ING3: variants seen among roughly 807,000 people sequenced by gnomAD.
The protein encoded by ING3 is inhibitor of growth family member 3.
A neutral mutation model predicts 64.8 loss-of-function variants in ING3; 6 were observed. The ratio of observed to expected loss-of-function variants is 0.09; its 90% CI spans 0.05 to 0.18. The LOEUF (loss-of-function observed/expected upper bound fraction) is 0.18. Among genes scored for constraint, ING3 ranks in the 10% least tolerant of loss-of-function variants. ING3 has a pLI of 1.00. For synonymous variants in ING3, 170 were observed against 173.7 expected (o/e 0.98, Z 0.17); for missense variants, 310 against 489.7 (o/e 0.63, Z 3.46).
Position 120,971,418 on chromosome 7 carries a change from G to A in ING3, c.1101+538G>A, listed in dbSNP as rs971520421. Reference sequence around the variant, plus strand: ...TTTAACCTTTACCACCTCCTCACAGGCCCTGTTTCCAATTATAGTCACGTT... The same window carrying A: ...TTTAACCTTTACCACCTCCTCACAGACCCTGTTTCCAATTATAGTCACGTT... On this transcript the variant is annotated intron_variant, in intron 10 of 11. Coordinates refer to ENST00000315870, the MANE Select transcript of ING3 (RefSeq NM_019071.3). Among the ~76,000 whole-genome samples, 3 of 152,218 alleles carry A rather than the reference G, an allele frequency of 2.0e-5. No individual in the cohort carries two copies. The East Asian group carries it at 5.8e-4, about 29-fold the overall frequency.
At chr7:120,963,449 A>G (rs1795959434) in intron 4 of ING3, among the ~76,000 whole-genome samples, 1 of 152,054 alleles carries the variant, frequency 6.6e-6, no homozygotes, top group African/African-American at 2.4e-5. Context: ...TTTTTCAAAA[A>G]AAAAACAGTT....
intron 4 of ING3, chr7:120,956,928 A>G (rs902067319): frequency 9.0e-6 from 5 of 554,500 alleles, no homozygotes; most frequent in Non-Finnish European, 1.1e-5. Flanking sequence ...TTTACTAAAG[A>G]TATTTTGTGT....
At chr7:120,957,538 G>A (rs1795867977) in intron 4 of ING3, among the ~76,000 whole-genome samples, 1 of 152,242 alleles carries the variant, frequency 6.6e-6, no homozygotes, top group South Asian at 2.1e-4. Flanking sequence ...GAAAAACATT[G>A]AAGTAAGTCA....
At chr7:120,960,163 G>A (rs1288703671) in intron 4 of ING3, among the ~76,000 whole-genome samples, 2 of 152,138 alleles carry the variant, frequency 1.3e-5, no homozygotes, top group African/African-American at 4.8e-5. Flanking sequence ...TTTCAGGCAC[G>A]TGGTATACCA....
Position 120,953,391 on chromosome 7 carries a change from C to T in ING3, c.188C>T (p.Ala63Val), listed in dbSNP as rs771928223. The T allele has an allele frequency of 1.9e-6, 3 of 1,594,464 alleles. No homozygotes were observed. The highest frequency in any genetic ancestry group is 3.4e-5 in the Admixed American group (2 of 58,108). The stretch of plus-strand genomic sequence containing the variant: ...CCTGAGTGGAGGGAAGAGCAAATGG[C>T]ATCCATCAAAAAAGTATGTGCAACA... ...NKPEWREEQMASIKKDYYKAL... is the reference protein window; with the variant it reads ...NKPEWREEQMVSIKKDYYKAL... Residue 63 changes from alanine to valine, a missense_variant, in exon 3 of 12, where the codon GCA (alanine) becomes GTA (valine). By Grantham distance (64) the Ala-to-Val change is moderately conservative. Transcript: ENST00000315870.
chr7:120,967,895 C>G (rs1021491437), intron 7 of ING3, 39 bp from the exon 8 acceptor site: 4 of 1,602,882 alleles, frequency 2.5e-6, no homozygotes, highest in African/African-American at 1.3e-5. Flanking sequence ...ACATTATGTT[C>G]TCTGCAACCA....
intron 4 of ING3, chr7:120,956,094 A>C: frequency 9.8e-7 from 1 of 1,023,850 alleles, no homozygotes; most frequent in Non-Finnish European, 1.5e-6. Context: ...GATCGTATGT[A>C]ACAGCTGTGT....
At chr7:120,966,783 CA>C in intron 6 of ING3, 86 bp downstream of exon 6, 1 of 942,176 alleles carries the variant, frequency 1.1e-6, no homozygotes, top group Non-Finnish European at 1.7e-6. Flanking sequence ...TAACTCTACA[CA>C]ACCAATTGAG....
rs763275715 is a variant in ING3 at position 120,950,920 on chromosome 7, G to A, written c.24G>A (p.Leu8=). The A allele has an allele frequency of 3.1e-6, 5 of 1,613,658 alleles. No individual in the cohort carries two copies. The Admixed American group carries it at 8.3e-5, about 27-fold the overall frequency. ...CGATGTTGTACCTAGAAGACTATCTGGAAAGTGAGTGCGCGGCGCTGGCGG... is the reference window on the plus strand; with the variant it reads ...CGATGTTGTACCTAGAAGACTATCTAGAAAGTGAGTGCGCGGCGCTGGCGG... MLYLEDY[L]EMIEQLPMDL... Residue 8 remains leucine (L), a synonymous_variant, in exon 1 of 12, where the codon CTG becomes CTA. Coordinates refer to ENST00000315870, the MANE Select transcript of ING3 (RefSeq NM_019071.3).
rs116554148 is a variant in ING3, at chr7:120,969,272, G to C, written c.908+68G>C. On this transcript the variant is annotated intron_variant, in intron 9 of 11. Coordinates refer to ENST00000315870, the MANE Select transcript of ING3 (RefSeq NM_019071.3). ...CTTGGTCTACTTGACACTTCAGCCAGGCCTCTCTATGTTAAAGGCAGGATA... is the reference window on the plus strand; with the variant it reads ...CTTGGTCTACTTGACACTTCAGCCACGCCTCTCTATGTTAAAGGCAGGATA... 9.8e-4 allele frequency: 1,237 copies of C among 1,258,472 alleles called. 6 individuals carry two copies. In the African/African-American group the frequency reaches 0.015, roughly 16 times the overall value. 78.0% of individuals were successfully genotyped at this position (1,258,472 alleles called of 1,614,324 possible).
chr7:120,969,057 C>T lies in ING3; in HGVS notation c.761C>T (p.Ala254Val). Residue 254 changes from alanine to valine, a missense_variant, in exon 9 of 12, where the codon GCA (alanine) becomes GTA (valine). Transcript: ENST00000315870. Reference protein sequence around the residue: ...RTSSLKASYEAFKNNDFQLGK... With the variant: ...RTSSLKASYEVFKNNDFQLGK... ...TCAAGTTTAAAAGCCAGTTATGAAG[C>T]ATTTAAGAATAATGACTTTCAGTTG... 3.1e-6 allele frequency: 5 copies of T among 1,613,684 alleles called. No individual in the cohort carries two copies. The highest frequency in any genetic ancestry group is 4.2e-6 in the Non-Finnish European group (5 of 1,179,752).
At chr7:120,969,554 A>G (rs1796040811) in intron 9 of ING3, among the ~76,000 whole-genome samples, 1 of 151,888 alleles carries the variant, frequency 6.6e-6, no homozygotes, top group Non-Finnish European at 1.5e-5. Flanking sequence ...TGCAATGCAA[A>G]TTATATCCTG....
chr7:120,950,935 G>C lies in ING3; in HGVS notation c.28+11G>C. 1 of 1,612,916 alleles carries C rather than the reference G, an allele frequency of 6.2e-7. No homozygotes were observed. Among genetic ancestry groups the C allele is most frequent in the South Asian group, 1.1e-5 (1 of 91,036 alleles). ...AAGACTATCTGGAAAGTGAGTGCGC[G>C]GCGCTGGCGGCGGCCGCCAGTGGGA... is the stretch of plus-strand genomic sequence containing the variant. On this transcript the variant is annotated intron_variant, in intron 1 of 11. Coordinates refer to ENST00000315870, the MANE Select transcript of ING3 (RefSeq NM_019071.3).
rs1183005250 is a variant in ING3, at chr7:120,951,222, C to T, written c.87C>T (p.Asp29=). ...GCTTCACGGAAATGCGCGAGATGGA[C>T]CTGCAGGTGCAGAGTAAGTCGGCGC... is the stretch of plus-strand genomic sequence containing the variant. The part of the protein sequence containing the change: ...RDRFTEMREM[D]LQVQNAMDQL... The change falls in exon 2 of 12, where the codon GAC becomes GAT. Residue 29 remains aspartate (D), a synonymous_variant. Coordinates refer to ENST00000315870, the MANE Select transcript of ING3 (RefSeq NM_019071.3). 3 of 1,614,146 alleles carry T rather than the reference C, an allele frequency of 1.9e-6. No individual in the cohort carries two copies. In the Admixed American group the frequency reaches 5.0e-5, roughly 27 times the overall value.
intron 10 of ING3, among the ~76,000 whole-genome samples, 165 bp from the exon 11 acceptor site, chr7:120,973,040 C>T (rs1796089724): frequency 6.6e-6 from 1 of 152,072 alleles, no homozygotes; most frequent in South Asian, 2.1e-4. Flanking sequence ...CCACCCTGCC[C>T]AAAAGAGTAT....
chr7:120,966,548 T>C, intron 5 of ING3, 78 bp from the exon 6 acceptor site: 2 of 1,058,502 alleles, frequency 1.9e-6, no homozygotes, highest in Non-Finnish European at 3.0e-6. Context: ...AGGGAACTCA[T>C]TGCCTGTAGT....
At chr7:120,967,482 T>C (rs1185078039) in intron 6 of ING3, 47 bp from the exon 7 acceptor site, 1 of 1,377,024 alleles carries the variant, frequency 7.3e-7, no homozygotes, top group Non-Finnish European at 1.0e-6. Context: ...GCCTTGTCCA[T>C]AGTTCTCTAA....
At chr7:120,954,298 C>T (rs1441260300) in intron 3 of ING3, among the ~76,000 whole-genome samples, 3 of 151,900 alleles carry the variant, frequency 2.0e-5, no homozygotes, top group Non-Finnish European at 4.4e-5. Context: ...TGGTGGTGGG[C>T]GCCTGTGATC....
At chr7:120,968,826 A>G (rs925381905) in intron 8 of ING3, among the ~76,000 whole-genome samples, 185 bp from the exon 9 acceptor site, 1 of 145,240 alleles carries the variant, frequency 6.9e-6, no homozygotes, top group Non-Finnish European at 1.5e-5. Context: ...AGCCCAAGCG[A>G]CAGATTGAAA....
Sources: gnomAD v4.1 joint callset for allele counts (sites outside exome capture counted in the v4.1 genomes callset) on GRCh38, gnomAD v4.1.1 for gene constraint, MANE v1.5 for transcripts, NCBI Gene and HGNC (gene_info 2026-07-23, HGNC 2026-07-21) for gene names.